Variants in ACVR1C observed in about 807,000 individuals in gnomAD.
ACVR1C encodes activin A receptor type 1C, also known as activin receptor type-1C.
ACVR1C carries 23 observed loss-of-function variants against 57.9 expected under a neutral mutation model. The observed-to-expected ratio is 0.40, with a 90% CI of 0.29 to 0.56. The LOEUF (loss-of-function observed/expected upper bound fraction) is 0.56. Ranked by LOEUF, ACVR1C falls within the 20% of genes least tolerant of loss-of-function variation. ACVR1C has a pLI of 0.50. For synonymous variants in ACVR1C, 214 were observed against 215.3 expected (o/e 0.99, Z 0.05); for missense variants, 480 against 607.9 (o/e 0.79, Z 2.21).
At chr2:157,535,384 T>A (rs532328785) in intron 8 of ACVR1C, among the ~76,000 whole-genome samples, 60 of 152,104 alleles carry the variant, frequency 3.9e-4, no homozygotes, top group African/African-American at 1.4e-3. Flanking sequence ...TAAATAGTAG[T>A]TTTGGCCCAT....
intron 1 of ACVR1C, among the ~76,000 whole-genome samples, chr2:157,618,036 T>C (rs1318932086): frequency 2.0e-5 from 3 of 151,858 alleles, no homozygotes; most frequent in African/African-American, 7.2e-5. Flanking sequence ...GATATAAACT[T>C]TGATTTATAC....
chr2:157,568,019 C>T (rs1455373914), intron 2 of ACVR1C, among the ~76,000 whole-genome samples: 484 of 148,760 alleles, frequency 3.3e-3, no homozygotes, highest in African/African-American at 0.011. Flanking sequence ...GCGGATCTCT[C>T]GGCAGAAACC....
intron 6 of ACVR1C, among the ~76,000 whole-genome samples, 176 bp downstream of exon 6, chr2:157,542,530 T>C (rs1258890783): frequency 6.6e-6 from 1 of 152,214 alleles, no homozygotes; most frequent in Non-Finnish European, 1.5e-5. Flanking sequence ...GTGCCAGCTC[T>C]CCTTGCTTTA....
rs1192946769 is a variant in ACVR1C, at chr2:157,527,186, A to T, written c.*6732T>A. The T allele has an allele frequency of 6.6e-6, 1 of 152,186 alleles. No homozygotes were observed. Among genetic ancestry groups the T allele is most frequent in the Admixed American group, 6.5e-5 (1 of 15,272 alleles). The allele number at this position is 152,186 out of a possible 1,614,324, so 9.4% of individuals were successfully genotyped here. On this transcript the variant is annotated 3_prime_UTR_variant, in exon 9 of 9. Coordinates refer to ENST00000243349, the MANE Select transcript of ACVR1C (RefSeq NM_145259.3). Reference sequence around the variant, plus strand: ...GTTTGAAATTCTCTTCACCTTCCACATTTAAATTACAACTACTAAAATCCA... The same window carrying T: ...GTTTGAAATTCTCTTCACCTTCCACTTTTAAATTACAACTACTAAAATCCA...
chr2:157,576,835 C>CTTTTTTTTTTTTTTTTT (rs1166673398), intron 2 of ACVR1C, among the ~76,000 whole-genome samples: 1 of 41,724 alleles, frequency 2.4e-5, no homozygotes, highest in African/African-American at 1.4e-4. Context: ...TTGAAATTTT[C>CTTTTTTTTTTTTTTTTT]TTTTTTTTTT....
rs533806798 is a variant in ACVR1C, at chr2:157,626,221, G to A, written c.73+2351C>T. ...TGGCCTCAAGCAATCCTCACACCTC[G>A]GCCTCCCAAAGTACTGGGATTAGAG... On this transcript the variant is annotated intron_variant, in intron 1 of 8. Transcript: ENST00000243349. Among the ~76,000 whole-genome samples, 29 of 152,208 alleles carry A rather than the reference G, an allele frequency of 1.9e-4. No individual in the cohort carries two copies. The South Asian group carries it at 4.6e-3, about 24-fold the overall frequency.
intron 1 of ACVR1C, among the ~76,000 whole-genome samples, chr2:157,628,145 G>A (rs146987194): frequency 6.6e-6 from 1 of 152,226 alleles, no homozygotes; most frequent in African/African-American, 2.4e-5. Context: ...CCATCCTTGA[G>A]CAGCTCTCAG....
chr2:157,622,757 G>T (rs1193327550), intron 1 of ACVR1C, among the ~76,000 whole-genome samples: 3 of 151,896 alleles, frequency 2.0e-5, no homozygotes, highest in African/African-American at 7.3e-5. Flanking sequence ...TGGACAAATG[G>T]GATCACATCA....
chr2:157,536,747 A>G (rs1182786383), intron 8 of ACVR1C, among the ~76,000 whole-genome samples: 1 of 152,184 alleles, frequency 6.6e-6, no homozygotes, highest in African/African-American at 2.4e-5. Context: ...AAACATGTGA[A>G]TAAGTCTAAA....
chr2:157,606,218 G>A (rs938536828), intron 1 of ACVR1C, among the ~76,000 whole-genome samples: 7 of 151,650 alleles, frequency 4.6e-5, no homozygotes, highest in African/African-American at 1.4e-4. Context: ...TGGACACTTA[G>A]GCTGAATCCA....
rs138274936 is a variant in ACVR1C, at chr2:157,590,602, C to G, written c.74-3185G>C. ...TGAACCAAGCATAACAGCTCACTTT[C>G]CTATTTATTCTAGTGGTGACCAACA... On this transcript the variant is annotated intron_variant, in intron 1 of 8. Transcript: ENST00000243349. Among the ~76,000 whole-genome samples, 726 of 151,962 alleles carry G rather than the reference C, an allele frequency of 4.8e-3. 9 individuals are homozygous for G. Among genetic ancestry groups the G allele is most frequent in the African/African-American group, 0.017 (699 of 41,488 alleles).
intron 8 of ACVR1C, 25 bp from the exon 9 acceptor site, chr2:157,534,068 A>C (rs1408236235): frequency 1.3e-5 from 19 of 1,503,332 alleles, no homozygotes; most frequent in Non-Finnish European, 1.7e-5. Flanking sequence ...AAAAAAATCA[A>C]AGACTTTAGC....
rs928620685 is a variant in ACVR1C at position 157,528,797 on chromosome 2, G to T, written c.*5121C>A. ...TACAAATAACAGCTAGTCTTTTTAG[G>T]TTTTAAAAGAAAAATCATCTCTGCC... On this transcript the variant is annotated 3_prime_UTR_variant, in exon 9 of 9. Transcript: ENST00000243349. 5.9e-5 allele frequency: 9 copies of T among 152,110 alleles called. No homozygotes were observed. The highest frequency in any genetic ancestry group is 1.0e-4 in the Non-Finnish European group (7 of 68,006). 9.4% of individuals were successfully genotyped at this position (152,110 alleles called of 1,614,324 possible).
intron 5 of ACVR1C, 51 bp from the exon 6 acceptor site, chr2:157,542,913 C>A: frequency 6.5e-7 from 1 of 1,549,926 alleles, no homozygotes; most frequent in South Asian, 1.2e-5. Flanking sequence ...GGAGACTGTT[C>A]AAGAGAAATC....
At chr2:157,618,792 A>T (rs1260376371) in intron 1 of ACVR1C, among the ~76,000 whole-genome samples, 6 of 151,830 alleles carry the variant, frequency 4.0e-5, no homozygotes, top group African/African-American at 1.4e-4. Context: ...AATAACAAAT[A>T]TTACCAGGGA....
chr2:157,580,989 A>G (rs1418620235), intron 2 of ACVR1C, among the ~76,000 whole-genome samples: 1 of 152,218 alleles, frequency 6.6e-6, no homozygotes, highest in Non-Finnish European at 1.5e-5. Flanking sequence ...AGAGTTCCTC[A>G]CTACAAGTGT....
chr2:157,582,109 T>C (rs1393569280), intron 2 of ACVR1C, among the ~76,000 whole-genome samples: 1 of 152,124 alleles, frequency 6.6e-6, no homozygotes, highest in East Asian at 1.9e-4. Context: ...CTTAAGGCCA[T>C]GAGTTTAAGA....
rs1687335136 is a variant in ACVR1C, at chr2:157,530,827, A to G, written c.*3091T>C. 1 of 152,128 alleles carries G rather than the reference A, an allele frequency of 6.6e-6. No individual in the cohort carries two copies. Among genetic ancestry groups the G allele is most frequent in the South Asian group, 2.1e-4 (1 of 4,822 alleles). The allele number at this position is 152,128 out of a possible 1,614,324, so 9.4% of individuals were successfully genotyped here. ...AGACATAGAAGAAAGCATACAACAG[A>G]ATCTGTACCAATTACAAACTTAAAG... is the stretch of plus-strand genomic sequence containing the variant. On this transcript the variant is annotated 3_prime_UTR_variant, in exon 9 of 9. Coordinates refer to ENST00000243349, the MANE Select transcript of ACVR1C (RefSeq NM_145259.3).
chr2:157,540,136 T>G (rs552259289), intron 7 of ACVR1C, among the ~76,000 whole-genome samples: 6 of 152,340 alleles, frequency 3.9e-5, no homozygotes, highest in African/African-American at 1.4e-4. Flanking sequence ...AGTTTTTGTA[T>G]TATCTTCATT....
Sources: allele counts gnomAD v4.1 joint callset (sites outside exome capture counted in the v4.1 genomes callset), GRCh38; gene constraint gnomAD v4.1.1; transcripts MANE v1.5; gene names NCBI Gene and HGNC (gene_info 2026-07-23, HGNC 2026-07-21).